USP28: variants seen among roughly 807,000 people sequenced by gnomAD.
The protein encoded by USP28 is ubiquitin specific peptidase 28, also known as ubiquitin carboxyl-terminal hydrolase 28.
A neutral mutation model predicts 145.0 loss-of-function variants in USP28; 113 were observed. The observed-to-expected ratio is 0.78, with a 90% CI of 0.67 to 0.91. The LOEUF (loss-of-function observed/expected upper bound fraction) is 0.91, where lower values mean the gene tolerates loss of function less well. Among genes scored for constraint, USP28 ranks in the 40% least tolerant of loss-of-function variants. The probability of loss-of-function intolerance (pLI) is 0.00; values close to 1 mark genes in which losing one functional copy is unlikely to be tolerated. For missense variants in USP28, 1,201 were observed against 1,289.6 expected (o/e 0.93, Z 1.05); for synonymous variants, 447 against 450.9 (o/e 0.99, Z 0.11).
intron 3 of USP28, among the ~76,000 whole-genome samples, chr11:113,849,829 T>C (rs773789195): frequency 6.6e-6 from 1 of 152,186 alleles, no homozygotes; most frequent in Non-Finnish European, 1.5e-5. Flanking sequence ...GTGAGACTGA[T>C]GCTGGCAACC....
intron 12 of USP28, 107 bp from the exon 13 acceptor site, chr11:113,817,944 C>T: frequency 1.7e-6 from 2 of 1,192,830 alleles, no homozygotes; most frequent in Non-Finnish European, 2.4e-6. Flanking sequence ...AAGGCTTATT[C>T]CTAGAGGCTA....
At chr11:113,804,947 G>T (rs749074546) in exon 20 of USP28, 1 of 1,614,152 alleles carries the variant, frequency 6.2e-7, no homozygotes, top group South Asian at 1.1e-5. Context: ...GCTTCATTTT[G>T]GAAAAAGTAG....
At chr11:113,874,406 C>T (rs1949151705) in intron 1 of USP28, 6 of 1,016,084 alleles carry the variant, frequency 5.9e-6, no homozygotes, top group Non-Finnish European at 7.4e-6. Context: ...GCCTAGGCAA[C>T]AGAGGGAGAC....
At chr11:113,821,258 G>A in intron 12 of USP28, 1 of 221,066 alleles carries the variant, frequency 4.5e-6, no homozygotes, top group Non-Finnish European at 1.0e-5. Context: ...TGTGGCCAGG[G>A]GGAAGGATGT....
At chr11:113,822,209 T>C (rs1013745490) in intron 12 of USP28, among the ~76,000 whole-genome samples, 2 of 152,028 alleles carry the variant, frequency 1.3e-5, no homozygotes, top group Non-Finnish European at 2.9e-5. Context: ...CCCAGGACTT[T>C]GGGAGGCTGA....
At chr11:113,849,889 T>A (rs1436654261) in intron 3 of USP28, among the ~76,000 whole-genome samples, 1 of 152,168 alleles carries the variant, frequency 6.6e-6, no homozygotes, top group Non-Finnish European at 1.5e-5. Flanking sequence ...GACTCTGAAC[T>A]GGGTTTTACT....
At chr11:113,860,944 CCGT>C (rs1223203232) in intron 1 of USP28, among the ~76,000 whole-genome samples, 1 of 151,496 alleles carries the variant, frequency 6.6e-6, no homozygotes, top group Non-Finnish European at 1.5e-5. Flanking sequence ...CAGTGAAACT[CCGT>C]CTCTACTAAA....
chr11:113,804,638 G>A (rs1939615099), intron 21 of USP28, 35 bp downstream of exon 22: 3 of 1,581,886 alleles, frequency 1.9e-6, no homozygotes, highest in Non-Finnish European at 1.7e-6. Context: ...AGGAATTAAT[G>A]TTTTTGCTCT....
intron 18 of USP28, among the ~76,000 whole-genome samples, 179 bp from the exon 20 acceptor site, chr11:113,806,763 CCTT>C (rs1940048749): frequency 6.6e-6 from 1 of 152,188 alleles, no homozygotes; most frequent in Non-Finnish European, 1.5e-5. Flanking sequence ...CTGCCTCTGT[CCTT>C]CTATATAATG....
intron 15 of USP28, among the ~76,000 whole-genome samples, chr11:113,813,322 C>T (rs537164526): frequency 8.5e-5 from 13 of 152,274 alleles, no homozygotes; most frequent in East Asian, 3.9e-4. Flanking sequence ...GTCATTCATA[C>T]AGAAGCCACT....
intron 3 of USP28, among the ~76,000 whole-genome samples, chr11:113,848,046 G>A (rs913026971): frequency 1.3e-5 from 2 of 152,092 alleles, no homozygotes; most frequent in African/African-American, 4.8e-5. Context: ...AAAAGTCAAA[G>A]GACAAAGGTG....
intron 17 of USP28, 67 bp from the exon 18 acceptor site, chr11:113,808,504 G>T: frequency 6.4e-7 from 1 of 1,562,612 alleles, no homozygotes. Flanking sequence ...CAGATAAAAA[G>T]CAAGCAGAAT....
At chr11:113,799,842 T>A (rs1938628590) in intron 24 of USP28, among the ~76,000 whole-genome samples, 1 of 152,130 alleles carries the variant, frequency 6.6e-6, no homozygotes, top group South Asian at 2.1e-4. Flanking sequence ...TAAAAAAAAA[T>A]TCATAATGTT....
At chr11:113,839,660 G>A (rs1479543504) in intron 5 of USP28, among the ~76,000 whole-genome samples, 16 of 151,906 alleles carry the variant, frequency 1.1e-4, no homozygotes, top group African/African-American at 3.6e-4. Context: ...AGGCTGAGGC[G>A]GGCGGAACAC....
At chr11:113,800,842 T>A (rs1333289381) in intron 24 of USP28, among the ~76,000 whole-genome samples, 1 of 105,122 alleles carries the variant, frequency 9.5e-6, no homozygotes, top group Non-Finnish European at 2.1e-5. Flanking sequence ...CTCTGCATGA[T>A]TTTTTTTTTT....
At chr11:113,855,990 A>T (rs1039456295) in intron 1 of USP28, among the ~76,000 whole-genome samples, 1 of 152,190 alleles carries the variant, frequency 6.6e-6, no homozygotes, top group African/African-American at 2.4e-5. Flanking sequence ...ATAGGCTACA[A>T]ATGGAATCCT....
In USP28 at chr11:113,808,044, A is replaced by T. The variant is rs748296560; in HGVS notation, c.2304+254T>A. The T allele has an allele frequency of 5.3e-5, 70 of 1,308,972 alleles. 1 individual carries two copies. In the South Asian group the frequency reaches 1.1e-3, roughly 20 times the overall value. 81.1% of individuals were successfully genotyped at this position (1,308,972 alleles called of 1,614,324 possible). ...AGACCTCAGAATTAGGCTGGGCAGT[A>T]GACTCTGCATCATTAGCCTTTGGGG... On this transcript the variant is annotated intron_variant, in intron 18 of 24. Transcript: ENST00000003302.
chr11:113,810,757 C>T (rs1347005672), intron 16 of USP28, among the ~76,000 whole-genome samples: 2 of 152,236 alleles, frequency 1.3e-5, no homozygotes, highest in African/African-American at 4.8e-5. Context: ...TCACTGCAAC[C>T]TTTGCCTCCC....
chr11:113,814,511 A>G (rs987349107), intron 14 of USP28, among the ~76,000 whole-genome samples: 8 of 152,198 alleles, frequency 5.3e-5, no homozygotes, highest in Non-Finnish European at 2.9e-5. Flanking sequence ...CATGCTTCCT[A>G]TAGAAAAGAC....
Sources: gnomAD v4.1 joint callset for allele counts (sites outside exome capture counted in the v4.1 genomes callset) on GRCh38, gnomAD v4.1.1 for gene constraint, MANE v1.5 for transcripts, NCBI Gene and HGNC (gene_info 2026-07-23, HGNC 2026-07-21) for gene names.